The following SAMD9 variants were observed in gnomAD, a reference collection of about 807,000 sequenced individuals.
The protein encoded by SAMD9 is sterile alpha motif domain containing 9.
SAMD9 carries 3 observed loss-of-function variants against 1.5 expected under a neutral mutation model. The observed-to-expected ratio is 2.05, with a 90% CI of 0.93 to 5.29. SAMD9 has a LOEUF of 5.29. SAMD9 is among the 30% of genes most tolerant of loss of function. SAMD9 has a pLI of 0.02. For missense variants in SAMD9, 1,597 were observed against 1,820.8 expected, an observed-to-expected ratio of 0.88 and a Z score of 2.24; for synonymous variants, 635 against 631.9, an observed-to-expected ratio of 1.00 and a Z score of -0.07.
chr7:93,113,053 A>G (rs1254824282), intron 2 of SAMD9, among the ~76,000 whole-genome samples: 1 of 152,188 alleles, frequency 6.6e-6, no homozygotes, highest in Non-Finnish European at 1.5e-5. Context: ...ATTTCAAACT[A>G]TACTACAAGG....
Position 93,105,731 on chromosome 7 carries a change from C to A in SAMD9, c.367G>T (p.Ala123Ser), listed in dbSNP as rs1051007612. Residue 123 changes from alanine to serine, a missense_variant, in exon 3 of 3, where the codon GCT (alanine) becomes TCT (serine). Around this residue, in one of 6 missense-constraint regions of SAMD9, gnomAD observed 498 missense variants for 457.4 expected, o/e 1.09. Transcript: ENST00000379958. ...GTTGTACTCATTGCAGACGGATTAG[C>A]CATATCTGGGTTCTCTTTACCCTTT... ...KQKGKENPDM[A>S]NPSAMSTTAK... 8.7e-6 allele frequency: 14 copies of A among 1,613,890 alleles called. No individual in the cohort carries two copies. The highest frequency in any genetic ancestry group is 1.2e-5 in the Non-Finnish European group (14 of 1,179,990).
intron 1 of SAMD9, among the ~76,000 whole-genome samples, chr7:93,116,084 G>A (rs779744343): frequency 6.6e-6 from 1 of 152,114 alleles, no homozygotes; most frequent in Non-Finnish European, 1.5e-5. Flanking sequence ...TGGCTCCTGA[G>A]GCCTCATACC....
chr7:93,104,217 AG>A lies in SAMD9; in HGVS notation c.1880del (p.Ser627PhefsTer16), dbSNP rs767270627. The A allele has an allele frequency of 4.1e-4, 655 of 1,613,830 alleles. No individual in the cohort carries two copies. The highest frequency in any genetic ancestry group is 5.4e-4 in the Non-Finnish European group (632 of 1,179,856). On this transcript the variant is annotated frameshift_variant, in exon 3 of 3. Transcript: ENST00000379958. LOFTEE classifies it low-confidence loss of function (END_TRUNC). ...TILKLKSVTQ[S>X]SKRLLPSIGL... ...CAATAGATGGCAAAAGCCTTTTTGA[AG>A]ATTGAGTCACAGATTTTAGTTTAAG...
intron 2 of SAMD9, among the ~76,000 whole-genome samples, chr7:93,114,085 G>C (rs890892434): frequency 1.3e-5 from 2 of 152,140 alleles, no homozygotes; most frequent in African/African-American, 4.8e-5. Context: ...TTAAGAAAAT[G>C]TGGCACATAT....
At position 93,102,751 on chromosome 7, in the gene SAMD9, T is replaced by C; in HGVS notation, c.3347A>G (p.Asn1116Ser). ...AKQAKIIEPD[N>S]SYISDTLGQV... ...ACCCAGTGTATCTGAGATATAAGAA[T>C]TGTCAGGTTCTATGATTTTTGCTTG... Residue 1116 changes from asparagine to serine, a missense_variant, in exon 3 of 3, where the codon AAT becomes AGT. Physicochemically the swap from Asn to Ser is conservative, Grantham distance 46. Coordinates refer to ENST00000379958, the MANE Select transcript of SAMD9 (RefSeq NM_017654.4). The C allele has an allele frequency of 6.2e-7, 1 of 1,613,878 alleles. No homozygotes were observed. Among genetic ancestry groups the C allele is most frequent in the Non-Finnish European group, 8.5e-7 (1 of 1,179,774 alleles).
Position 93,104,130 on chromosome 7 carries a change from A to G in SAMD9, c.1968T>C (p.Cys656=), listed in dbSNP as rs749384046. 8.1e-6 allele frequency: 13 copies of G among 1,613,916 alleles called. No homozygotes were observed. The South Asian group carries it at 1.3e-4, about 16-fold the overall frequency. ...ACAGTGTACCCTCACATTCATTTTCACAGATAATTTCCAGAGCAGTCATGA... is the reference window on the plus strand; with the variant it reads ...ACAGTGTACCCTCACATTCATTTTCGCAGATAATTTCCAGAGCAGTCATGA... ...EDIMTALEII[C]ENECEGTLLE... Residue 656 remains cysteine (C), a synonymous_variant, in exon 3 of 3, where the codon TGT becomes TGC. Coordinates refer to ENST00000379958, the MANE Select transcript of SAMD9 (RefSeq NM_017654.4).
In SAMD9 at chr7:93,101,679, A is replaced by G. The variant is rs763543340; in HGVS notation, c.4419T>C (p.Arg1473=). Residue 1473 remains arginine (R), a synonymous_variant, in exon 3 of 3, where the codon CGT becomes CGC. Transcript: ENST00000379958. ...AGAAATATGCAATTGGTTGCTTTGT[A>G]CGATGCATATGTTTATATTGCCCCT... The part of the protein sequence containing the change: ...SFKGQYKHMH[R]TKQPIAYFFL... 9 of 1,613,692 alleles carry G rather than the reference A, an allele frequency of 5.6e-6. No individual in the cohort carries two copies. The highest frequency in any genetic ancestry group is 3.3e-5 in the South Asian group (3 of 91,074).
At chr7:93,117,015 T>G (rs1205073027) in intron 1 of SAMD9, among the ~76,000 whole-genome samples, 1 of 152,182 alleles carries the variant, frequency 6.6e-6, no homozygotes, top group Non-Finnish European at 1.5e-5. Context: ...GGGGAGAAAT[T>G]AGACATAAAC....
At chr7:93,109,633 C>T (rs1346981621) in intron 2 of SAMD9, among the ~76,000 whole-genome samples, 1 of 152,130 alleles carries the variant, frequency 6.6e-6, no homozygotes, top group Non-Finnish European at 1.5e-5. Context: ...GAGCTGAAAA[C>T]CATGGCACAA....
chr7:93,102,612 T>C lies in SAMD9; in HGVS notation c.3486A>G (p.Ala1162=). 1 of 1,613,854 alleles carries C rather than the reference T, an allele frequency of 6.2e-7. No homozygotes were observed. Among genetic ancestry groups the C allele is most frequent in the Non-Finnish European group, 8.5e-7 (1 of 1,179,764 alleles). ...LLDLAEHASS[A]FKESQQQSED... ...CACTTTGCTGTTGAGATTCTTTGAA[T>C]GCACTTGAGGCATGTTCTGCTAAAT... is the stretch of plus-strand genomic sequence containing the variant. The change falls in exon 3 of 3, where the codon GCA becomes GCG. Residue 1162 remains alanine, a synonymous_variant. Transcript: ENST00000379958.
chr7:93,107,226 A>AT (rs1455688632), intron 2 of SAMD9, among the ~76,000 whole-genome samples: 1 of 151,806 alleles, frequency 6.6e-6, no homozygotes, highest in East Asian at 1.9e-4. Context: ...ATTTTAATTG[A>AT]TTTTTAAAAA....
At chr7:93,114,141 C>T (rs903177151) in intron 2 of SAMD9, among the ~76,000 whole-genome samples, 6 of 152,036 alleles carry the variant, frequency 3.9e-5, no homozygotes, top group Admixed American at 6.6e-5. Flanking sequence ...GAGTTCATGT[C>T]CTTTGTAGGG....
intron 1 of SAMD9, among the ~76,000 whole-genome samples, chr7:93,115,701 G>A (rs1184651759): frequency 6.6e-6 from 1 of 152,036 alleles, no homozygotes; most frequent in Non-Finnish European, 1.5e-5. Context: ...AAATACATTA[G>A]AAAATAAAAC....
At chr7:93,106,642 T>A (rs760721160) in intron 2 of SAMD9, among the ~76,000 whole-genome samples, 7 of 152,236 alleles carry the variant, frequency 4.6e-5, no homozygotes, top group Non-Finnish European at 5.9e-5. Flanking sequence ...GAGACACACA[T>A]GAAGCATTTG....
At chr7:93,116,791 AT>A (rs1470641214) in intron 1 of SAMD9, among the ~76,000 whole-genome samples, 2 of 152,172 alleles carry the variant, frequency 1.3e-5, no homozygotes, top group Non-Finnish European at 1.5e-5. Context: ...ACTGGTTTTG[AT>A]TCCGTATACT....
intron 1 of SAMD9, 107 bp from the exon 2 acceptor site, chr7:93,115,002 A>C (rs1370401031): frequency 6.6e-6 from 1 of 152,222 alleles, no homozygotes; most frequent in Non-Finnish European, 1.5e-5. Context: ...ATCCCTGTCT[A>C]TGTAAGCTTT....
chr7:93,107,160 C>A (rs1374595990), intron 2 of SAMD9, among the ~76,000 whole-genome samples: 1 of 152,034 alleles, frequency 6.6e-6, no homozygotes, highest in Non-Finnish European at 1.5e-5. Flanking sequence ...CCTGCCTCAG[C>A]CTCCCAAAGT....
At position 93,112,331 on chromosome 7, in the gene SAMD9, G is replaced by A. The variant is rs575287480; in HGVS notation, c.-9+2464C>T. ...CAAAATAATAAGAGCTATTTATGAC[G>A]AACCCACAGCCAATATCATACTGAA... is the stretch of plus-strand genomic sequence containing the variant. On this transcript the variant is annotated intron_variant, in intron 2 of 2. Transcript: ENST00000379958. Among the ~76,000 whole-genome samples, 448 of 152,070 alleles carry A rather than the reference G, an allele frequency of 2.9e-3. 2 individuals carry two copies. Among genetic ancestry groups the A allele is most frequent in the Non-Finnish European group, 5.5e-3 (377 of 67,962 alleles).
At chr7:93,112,662 GACAA>G (rs1391685620) in intron 2 of SAMD9, among the ~76,000 whole-genome samples, 2 of 152,108 alleles carry the variant, frequency 1.3e-5, no homozygotes, top group Non-Finnish European at 1.5e-5. Flanking sequence ...AACAATAACA[GACAA>G]ACAGAGAGCC....
Sources: allele counts gnomAD v4.1 joint callset (sites outside exome capture counted in the v4.1 genomes callset), GRCh38; gene constraint gnomAD v4.1.1; regional missense constraint gnomAD v4.1.1; transcripts MANE v1.5; gene names NCBI Gene and HGNC (gene_info 2026-07-23, HGNC 2026-07-21).